C5orf63: variants seen among roughly 807,000 people sequenced by gnomAD.
C5orf63 encodes glutaredoxin-like protein C5orf63.
C5orf63 carries 18 observed loss-of-function variants against 13.3 expected under a neutral mutation model. That is an observed-to-expected ratio of 1.36 (90% CI 0.94 to 2.01). The LOEUF is 2.01. Among genes scored for constraint, C5orf63 ranks in the 30% most tolerant of loss-of-function variants. The probability of loss-of-function intolerance (pLI) is 0.00; values close to 1 mark genes in which losing one functional copy is unlikely to be tolerated. For missense variants in C5orf63, 118 were observed against 127.7 expected (o/e 0.92, Z 0.36); for synonymous variants, 38 against 44.7 (o/e 0.85, Z 0.60).
intron 2 of C5orf63, among the ~76,000 whole-genome samples, chr5:127,066,790 G>A (rs1425119211): frequency 6.6e-6 from 1 of 151,898 alleles, no homozygotes; most frequent in Non-Finnish European, 1.5e-5. Context: ...AAAAAAAGAG[G>A]GCCCAGGATA....
intron 4 of C5orf63, 103 bp downstream of exon 4, chr5:127,052,510 A>G: frequency 1.2e-6 from 1 of 846,188 alleles, no homozygotes; most frequent in Non-Finnish European, 1.6e-6. Flanking sequence ...TTTAAAAGAA[A>G]AATCATTTAA....
rs1580524031 is a variant in C5orf63, at chr5:127,051,625, G to A, written c.*146C>T. On this transcript the variant is annotated 3_prime_UTR_variant, in exon 5 of 5. Coordinates refer to ENST00000296662, the MANE Select transcript of C5orf63 (RefSeq NM_001164478.2). ...ACACTGATACTTCCATCAACCAAAA[G>A]GGGAATGTCAACATTTATTTGGCAC... 10 of 1,287,994 alleles carry A rather than the reference G, an allele frequency of 7.8e-6. No homozygotes were observed. The highest frequency in any genetic ancestry group is 9.8e-6 in the Non-Finnish European group (10 of 1,019,446). 79.8% of individuals were successfully genotyped at this position (1,287,994 alleles called of 1,614,324 possible).
Position 127,051,926 on chromosome 5 carries a change from T to G in C5orf63, c.193A>C (p.Ile65Leu), listed in dbSNP as rs555734396. The G allele has an allele frequency of 1.1e-4, 169 of 1,516,798 alleles. No homozygotes were observed. The African/African-American group carries it at 2.2e-3, about 19-fold the overall frequency. The allele number at this position is 1,516,798 out of a possible 1,614,324, so 94.0% of individuals were successfully genotyped here. A position where few individuals can be genotyped will look rare whatever the true frequency, so the allele number is the denominator to read the frequency against. Reference sequence around the variant, plus strand: ...CAGACAGAGTTTTCTGGAAGTGTGATGTTCACCTCCTGTAAAATGAACTGA... The same window carrying G: ...CAGACAGAGTTTTCTGGAAGTGTGAGGTTCACCTCCTGTAAAATGAACTGA... Reference protein sequence around the residue: ...ENRFILQEVNITLPENSVWYE... With the variant: ...ENRFILQEVNLTLPENSVWYE... Residue 65 changes from isoleucine (I) to leucine (L), a missense_variant, in exon 5 of 5, where the codon ATC (isoleucine) becomes CTC (leucine). By Grantham distance (5) the Ile-to-Leu change is conservative. Transcript: ENST00000296662.
At chr5:127,047,698 A>T (rs752867000), downstream of C5orf63, 36 of 703,814 alleles carry the variant, frequency 5.1e-5, no homozygotes, top group Non-Finnish European at 8.6e-5. Context: ...ACAACAGGTC[A>T]TATCAGGACT....
chr5:127,049,457 G>C (rs1753604181), downstream of C5orf63, among the ~76,000 whole-genome samples: 1 of 152,162 alleles, frequency 6.6e-6, no homozygotes, highest in African/African-American at 2.4e-5. Flanking sequence ...CCTAGCTTAA[G>C]TCTAATTTTC....
At chr5:127,052,753 T>C in intron 3 of C5orf63, 84 bp from the exon 4 acceptor site, 3 of 1,000,072 alleles carry the variant, frequency 3.0e-6, no homozygotes, top group Non-Finnish European at 4.0e-6. Flanking sequence ...AAAAAACCCA[T>C]AAGAGGCAGA....
At chr5:127,045,859 C>T (rs1265688639) in exon 5 of C5orf63, 8 of 152,106 alleles carry the variant, frequency 5.3e-5, no homozygotes, top group African/African-American at 1.4e-4. Context: ...TTGTTTTATC[C>T]CCAGTGCTTG....
At position 127,051,537 on chromosome 5, in the gene C5orf63, C is replaced by T; in HGVS notation, c.*234G>A. 8.1e-7 allele frequency: 1 copy of T among 1,238,600 alleles called. No individual in the cohort carries two copies. The highest frequency in any genetic ancestry group is 1.0e-6 in the Non-Finnish European group (1 of 991,842). The allele number at this position is 1,238,600 out of a possible 1,614,324, so 76.7% of individuals were successfully genotyped here. A position where few individuals can be genotyped will look rare whatever the true frequency, so the allele number is the denominator to read the frequency against. ...CAAATGGACTTCTCCCTCCCTCCAT[C>T]ATCTCCCTCCCTGCTAATATGCTCT... On this transcript the variant is annotated 3_prime_UTR_variant, in exon 5 of 5. Coordinates refer to ENST00000296662, the MANE Select transcript of C5orf63 (RefSeq NM_001164478.2).
chr5:127,066,449 G>GC (rs565619036), intron 2 of C5orf63, among the ~76,000 whole-genome samples: 9 of 152,080 alleles, frequency 5.9e-5, no homozygotes, highest in Non-Finnish European at 1.2e-4. Flanking sequence ...CAGAAACAGA[G>GC]CCAACAGGAC....
downstream of C5orf63, chr5:127,043,027 C>T (rs540820898): frequency 8.5e-5 from 13 of 152,312 alleles, no homozygotes; most frequent in Non-Finnish European, 1.6e-4. Flanking sequence ...CTCCTCTGGA[C>T]AATTTAGTTA....
At chr5:127,045,803 T>C (rs1753509219) in exon 5 of C5orf63, 2 of 152,234 alleles carry the variant, frequency 1.3e-5, no homozygotes, top group African/African-American at 2.4e-5. Flanking sequence ...TGTCTCTCCC[T>C]TAAAATGCAA....
intron 2 of C5orf63, among the ~76,000 whole-genome samples, chr5:127,060,959 C>T (rs573676244): frequency 6.6e-6 from 1 of 152,222 alleles, no homozygotes; most frequent in South Asian, 2.1e-4. Context: ...CTCCAAGTAC[C>T]CACAATTAAC....
At chr5:127,050,218 T>C (rs1344885597), downstream of C5orf63, among the ~76,000 whole-genome samples, 1 of 152,130 alleles carries the variant, frequency 6.6e-6, no homozygotes, top group Non-Finnish European at 1.5e-5. Context: ...TATCCAAGAG[T>C]GGGGATCACT....
At chr5:127,048,461 T>C (rs916856368), downstream of C5orf63, among the ~76,000 whole-genome samples, 1 of 152,128 alleles carries the variant, frequency 6.6e-6, no homozygotes. Context: ...GTCCAACTTA[T>C]GCCCCTCCCT....
downstream of C5orf63, chr5:127,047,045 G>A (rs1411010186): frequency 2.6e-5 from 4 of 152,236 alleles, no homozygotes; most frequent in African/African-American, 9.7e-5. Context: ...ACCCCAGTCT[G>A]AGTATACCCT....
downstream of C5orf63, among the ~76,000 whole-genome samples, chr5:127,049,733 T>C (rs2126879559): frequency 6.6e-6 from 1 of 152,358 alleles, no homozygotes; most frequent in South Asian, 2.1e-4. Context: ...CAAGACATAT[T>C]TATTGTCTTT....
At chr5:127,065,881 G>C (rs1007977321) in intron 2 of C5orf63, among the ~76,000 whole-genome samples, 1 of 152,114 alleles carries the variant, frequency 6.6e-6, no homozygotes, top group African/African-American at 2.4e-5. Flanking sequence ...ATAGGTGTTG[G>C]GGTATGGTGA....
chr5:127,046,262 A>G lies in C5orf63; in HGVS notation c.*1408T>C, dbSNP rs887239580. On this transcript the variant is annotated 3_prime_UTR_variant, in exon 5 of 5. Coordinates refer to the C5orf63 transcript ENST00000535381. ...TTCTCTGCCTCAGGGAATAAAAAGT[A>G]TCAGAATTCACCCAGTAGTGTAAGC... The G allele has an allele frequency of 7.2e-4, 110 of 152,274 alleles. 1 individual carries two copies. The highest frequency in any genetic ancestry group is 2.5e-3 in the African/African-American group (105 of 41,462). The allele number at this position is 152,274 out of a possible 1,614,324, so 9.4% of individuals were successfully genotyped here.
downstream of C5orf63, among the ~76,000 whole-genome samples, chr5:127,049,670 T>C (rs13178491): frequency 6.6e-6 from 1 of 152,236 alleles, no homozygotes. Flanking sequence ...TAAGGACTTG[T>C]ATTCATTCTC....
Sources: allele counts gnomAD v4.1 joint callset (sites outside exome capture counted in the v4.1 genomes callset), GRCh38; gene constraint gnomAD v4.1.1; transcripts MANE v1.5; gene names NCBI Gene and HGNC (gene_info 2026-07-23, HGNC 2026-07-21).